The following NCOR1 variants were observed in gnomAD, a reference collection of about 807,000 sequenced individuals.
NCOR1 encodes the protein nuclear receptor corepressor 1, also known as protein phosphatase 1, regulatory subunit 109.
In NCOR1, 63 loss-of-function variants were observed where a neutral mutation model predicts 288.1. The observed-to-expected ratio is 0.22, with a 90% confidence interval of 0.18 to 0.27. The LOEUF (loss-of-function observed/expected upper bound fraction) is 0.27. NCOR1 is among the 10% of genes least tolerant of loss of function. NCOR1 has a pLI of 1.00. For missense variants in NCOR1, 2,397 were observed against 3,019.2 expected (o/e 0.79, Z 4.83); for synonymous variants, 1,007 against 1,065.9 (o/e 0.94, Z 1.08).
intron 43 of NCOR1, 94 bp downstream of exon 43, chr17:16,040,347 C>G (rs2057333412): frequency 9.8e-7 from 1 of 1,020,228 alleles, no homozygotes; most frequent in Non-Finnish European, 1.5e-6. Context: ...AGCAGTCACT[C>G]CCCTGGTATA....
rs143632655 is a variant in NCOR1 at position 16,127,265 on chromosome 17, A to G, written c.1510-1059T>C. Among the ~76,000 whole-genome samples, 68 of 103,958 alleles carry G rather than the reference A, an allele frequency of 6.5e-4. 12 individuals are homozygous for G. Among genetic ancestry groups the G allele is most frequent in the African/African-American group, 1.8e-3 (55 of 29,764 alleles). The allele number at this position is 103,958 out of a possible 152,430, so 68.2% of individuals were successfully genotyped here. A position where few individuals can be genotyped will look rare whatever the true frequency, so the allele number is the denominator to read the frequency against. On this transcript the variant is annotated intron_variant, in intron 14 of 45. Transcript: ENST00000268712. The stretch of plus-strand genomic sequence containing the variant: ...TATGTATGTATATATGTGTGTGTAT[A>G]TATGTATGTATATATACGTGTATAT...
chr17:16,155,858 C>T (rs894783755), intron 6 of NCOR1, among the ~76,000 whole-genome samples: 1 of 152,130 alleles, frequency 6.6e-6, no homozygotes, highest in African/African-American at 2.4e-5. Context: ...CAAAAGGCAG[C>T]ATACTGGGGC....
At chr17:16,125,852 TAG>T (rs1390465292) in intron 15 of NCOR1, among the ~76,000 whole-genome samples, 1 of 151,602 alleles carries the variant, frequency 6.6e-6, no homozygotes, top group East Asian at 1.9e-4. Context: ...CACATGGATA[TAG>T]AGAGTGGAAT....
At chr17:16,167,050 T>C (rs1395630418) in intron 4 of NCOR1, among the ~76,000 whole-genome samples, 1 of 150,756 alleles carries the variant, frequency 6.6e-6, no homozygotes, top group Non-Finnish European at 1.5e-5. Context: ...AATATCATTC[T>C]CCCACTATAT....
rs578054180 is a variant in NCOR1 at position 16,037,324 on chromosome 17, A to G, written c.6955+2109T>C. Among the ~76,000 whole-genome samples, 18 of 152,346 alleles carry G rather than the reference A, an allele frequency of 1.2e-4. No homozygotes were observed. The East Asian group carries it at 3.5e-3, about 29-fold the overall frequency. On this transcript the variant is annotated intron_variant, in intron 44 of 45. Coordinates refer to ENST00000268712, the MANE Select transcript of NCOR1 (RefSeq NM_006311.4). The stretch of plus-strand genomic sequence containing the variant: ...GAAATATTGTGAGAATTACCAAAAT[A>G]TGACACAGACACAAAGGAGAGCCCA...
intron 1 of NCOR1, among the ~76,000 whole-genome samples, chr17:16,200,177 T>C (rs2090573116): frequency 6.6e-6 from 1 of 152,090 alleles, no homozygotes; most frequent in Non-Finnish European, 1.5e-5. Flanking sequence ...CAAGGTGGCC[T>C]AAGCTATCTT....
In NCOR1 at chr17:16,030,763, A is replaced by G. The variant is rs956998859; in HGVS notation, c.*1533T>C. On this transcript the variant is annotated 3_prime_UTR_variant, in exon 46 of 46. Transcript: ENST00000268712. Reference sequence around the variant, plus strand: ...GTCACTAATTTAACTATATGGGCAAAGTACTAAACCTGTGTCTTCATCTGT... The same window carrying G: ...GTCACTAATTTAACTATATGGGCAAGGTACTAAACCTGTGTCTTCATCTGT... 2 of 180,184 alleles carry G rather than the reference A, an allele frequency of 1.1e-5. No individual in the cohort carries two copies. The highest frequency in any genetic ancestry group is 2.4e-5 in the Non-Finnish European group (2 of 84,214). The allele number at this position is 180,184 out of a possible 1,614,324, so 11.2% of individuals were successfully genotyped here.
Position 16,127,379 on chromosome 17 carries a change from A to ATGTATGTATATATACATGTATGTATATG in NCOR1, c.1510-1174_1510-1173insCATATACATACATGTATATATACATACA, listed in dbSNP as rs1568199458. ...TATGTATATATACATGTATGTATAT[A>ATGTATGTATATATACATGTATGTATATG]TGTATGTATATATACATGTGTATAT... On this transcript the variant is annotated intron_variant, in intron 14 of 45. Transcript: ENST00000268712. Among the ~76,000 whole-genome samples the ATGTATGTATATATACATGTATGTATATG allele has an allele frequency of 1.3e-3, 46 of 34,832 alleles. 16 individuals are homozygous for ATGTATGTATATATACATGTATGTATATG. The highest frequency in any genetic ancestry group is 3.0e-3 in the Non-Finnish European group (37 of 12,538). The allele number at this position is 34,832 out of a possible 152,430, so 22.9% of individuals were successfully genotyped here. A position where few individuals can be genotyped will look rare whatever the true frequency, so the allele number is the denominator to read the frequency against.
chr17:16,127,282 CGTGTATATATGTATGT>C (rs2074376660), intron 14 of NCOR1, among the ~76,000 whole-genome samples: 1 of 25,410 alleles, frequency 3.9e-5, no homozygotes, highest in East Asian at 4.6e-4. Flanking sequence ...TGTATATATA[CGTGTATATATGTATGT>C]ATGTATATAT....
At chr17:16,073,609 A>G (rs186298264) in intron 27 of NCOR1, 40 bp from the exon 28 acceptor site, 376 of 1,520,356 alleles carry the variant, frequency 2.5e-4, no homozygotes, top group Admixed American at 2.0e-3. Context: ...GACGGAGCAC[A>G]TGGTATACAA....
chr17:16,078,516 T>C (rs2062879972), intron 26 of NCOR1, among the ~76,000 whole-genome samples: 1 of 152,194 alleles, frequency 6.6e-6, no homozygotes, highest in African/African-American at 2.4e-5. Context: ...TACTTTCCTC[T>C]GTCCATATTA....
At chr17:16,124,691 T>C (rs2073681125) in intron 15 of NCOR1, among the ~76,000 whole-genome samples, 1 of 152,238 alleles carries the variant, frequency 6.6e-6, no homozygotes, top group Non-Finnish European at 1.5e-5. Context: ...ACTATATTTT[T>C]CTTTTCCTGT....
intron 42 of NCOR1, among the ~76,000 whole-genome samples, chr17:16,041,813 T>C (rs541458991): frequency 3.2e-4 from 48 of 152,040 alleles, no homozygotes; most frequent in Non-Finnish European, 6.0e-4. Context: ...CTTGGCTCAC[T>C]GCAAGCTCTG....
chr17:16,210,536 G>C (rs942650065), intron 1 of NCOR1, among the ~76,000 whole-genome samples: 1 of 152,066 alleles, frequency 6.6e-6, no homozygotes, highest in Non-Finnish European at 1.5e-5. Flanking sequence ...TTTTGTTTAA[G>C]AAGCTATTCA....
chr17:16,145,621 G>A (rs1316784403), intron 10 of NCOR1, among the ~76,000 whole-genome samples: 2 of 151,106 alleles, frequency 1.3e-5, no homozygotes, highest in East Asian at 3.9e-4. Context: ...CCCTCTGCCC[G>A]GCAGCCGCCC....
intron 41 of NCOR1, 129 bp from the exon 42 acceptor site, chr17:16,047,222 AG>A: frequency 1.1e-6 from 1 of 921,050 alleles, no homozygotes; most frequent in South Asian, 2.0e-5. Flanking sequence ...TTGTGGTTAC[AG>A]CCCTAAGAAA....
intron 5 of NCOR1, among the ~76,000 whole-genome samples, chr17:16,161,224 C>CACACAG (rs1809006310): frequency 1.0e-5 from 1 of 95,240 alleles, no homozygotes. Flanking sequence ...AAAGCAAACA[C>CACACAG]ACACAGACAC....
chr17:16,168,704 C>A (rs1369060406), intron 4 of NCOR1, among the ~76,000 whole-genome samples: 2 of 152,070 alleles, frequency 1.3e-5, no homozygotes, highest in African/African-American at 2.4e-5. Context: ...GCTGCAGTGG[C>A]TCACGCCTAT....
Position 16,032,421 on chromosome 17 carries a change from G to C in NCOR1, c.7198C>G (p.Pro2400Ala). 1 of 1,614,034 alleles carries C rather than the reference G, an allele frequency of 6.2e-7. No homozygotes were observed. The highest frequency in any genetic ancestry group is 1.1e-5 in the South Asian group (1 of 91,044). ...MRMLSSTPPT[P>A]IACAPSAVNQ... Reference sequence around the variant, plus strand: ...ACCGCAGAGGGAGCACATGCAATCGGTGTTGGTGGAGTACTGCTGAGCATC... The same window carrying C: ...ACCGCAGAGGGAGCACATGCAATCGCTGTTGGTGGAGTACTGCTGAGCATC... The change falls in exon 46 of 46, where the codon CCG (proline) becomes GCG (alanine). Residue 2400 changes from proline (P) to alanine (A), a missense_variant. Pro to Ala is a conservative substitution (Grantham distance 27, BLOSUM62 -1). Transcript: ENST00000268712.
Sources: allele counts gnomAD v4.1 joint callset (sites outside exome capture counted in the v4.1 genomes callset), GRCh38; gene constraint gnomAD v4.1.1; transcripts MANE v1.5; gene names NCBI Gene and HGNC (gene_info 2026-07-23, HGNC 2026-07-21).